Variants in TTC28 observed in about 807,000 individuals in gnomAD.
TTC28 encodes tetratricopeptide repeat protein 28.
In TTC28, 61 loss-of-function variants were observed where a neutral mutation model predicts 198.0. The ratio of observed to expected loss-of-function variants is 0.31; its 90% CI spans 0.25 to 0.38. The LOEUF (loss-of-function observed/expected upper bound fraction) is 0.38, where lower values mean the gene tolerates loss of function less well. Among genes scored for constraint, TTC28 ranks in the 10% least tolerant of loss-of-function variants. TTC28 has a pLI of 1.00. For synonymous variants in TTC28, 1,171 were observed against 1,297.8 expected (o/e 0.90, Z 2.10); for missense variants, 2,678 against 3,164.0 (o/e 0.85, Z 3.69).
At chr22:28,161,085 T>C (rs1161468942) in intron 6 of TTC28, among the ~76,000 whole-genome samples, 1 of 152,216 alleles carries the variant, frequency 6.6e-6, no homozygotes, top group African/African-American at 2.4e-5. Context: ...AATATTTTTA[T>C]ATTAAACACT....
chr22:28,554,328 C>T (rs2049753020), intron 2 of TTC28, among the ~76,000 whole-genome samples: 1 of 150,400 alleles, frequency 6.6e-6, no homozygotes, highest in African/African-American at 2.5e-5. Context: ...TCCTATGACC[C>T]TGCCAAATCC....
Position 28,515,757 on chromosome 22 carries a change from A to T in TTC28, c.381+113795T>A, listed in dbSNP as rs568431412. Among the ~76,000 whole-genome samples the T allele has an allele frequency of 1.7e-4, 26 of 152,318 alleles. No homozygotes were observed. The South Asian group carries it at 5.4e-3, about 32-fold the overall frequency. On this transcript the variant is annotated intron_variant, in intron 2 of 22. Coordinates refer to ENST00000397906, the MANE Select transcript of TTC28 (RefSeq NM_001145418.2). Reference sequence around the variant, plus strand: ...TTACAAAATAAGTCAGGTATCATATAACTTAATACATCTTTTTATAAAAAT... The same window carrying T: ...TTACAAAATAAGTCAGGTATCATATTACTTAATACATCTTTTTATAAAAAT...
At chr22:28,032,265 A>AGTG (rs1482000294) in intron 12 of TTC28, among the ~76,000 whole-genome samples, 2 of 91,688 alleles carry the variant, frequency 2.2e-5, no homozygotes, top group Admixed American at 1.1e-4. Flanking sequence ...ATATATATAT[A>AGTG]TAGTGTGTGT....
chr22:28,619,170 C>T (rs1440364225), intron 2 of TTC28, among the ~76,000 whole-genome samples: 1 of 152,092 alleles, frequency 6.6e-6, no homozygotes, highest in African/African-American at 2.4e-5. Flanking sequence ...TATATAAATA[C>T]AGAGTGATTA....
intron 2 of TTC28, among the ~76,000 whole-genome samples, chr22:28,589,294 A>C (rs1332660736): frequency 6.6e-6 from 1 of 152,170 alleles, no homozygotes; most frequent in Admixed American, 6.5e-5. Context: ...TAATAGGCCA[A>C]ACAGAAATGG....
At chr22:28,550,061 T>G (rs967165456) in intron 2 of TTC28, among the ~76,000 whole-genome samples, 1 of 152,164 alleles carries the variant, frequency 6.6e-6, no homozygotes, top group Admixed American at 6.5e-5. Context: ...TCTCTATGAC[T>G]GTTTAGTGAA....
At chr22:28,677,660 G>A (rs2052020930) in intron 1 of TTC28, among the ~76,000 whole-genome samples, 1 of 151,970 alleles carries the variant, frequency 6.6e-6, no homozygotes, top group Admixed American at 6.6e-5. Flanking sequence ...AATAAGGCCA[G>A]GTGCCGTGGC....
intron 2 of TTC28, among the ~76,000 whole-genome samples, chr22:28,374,723 C>G (rs1323537626): frequency 6.6e-6 from 1 of 152,134 alleles, no homozygotes; most frequent in African/African-American, 2.4e-5. Flanking sequence ...GCTCTGTCAC[C>G]CAGGCTGGAG....
At chr22:28,616,599 C>A (rs980704371) in intron 2 of TTC28, among the ~76,000 whole-genome samples, 8 of 152,126 alleles carry the variant, frequency 5.3e-5, no homozygotes, top group Non-Finnish European at 1.2e-4. Context: ...TGCCTGTAAT[C>A]CAAGCACTTT....
At chr22:28,620,033 G>A (rs184873872) in intron 2 of TTC28, among the ~76,000 whole-genome samples, 86 of 152,308 alleles carry the variant, frequency 5.6e-4, no homozygotes, top group Non-Finnish European at 9.6e-4. Flanking sequence ...TAATTGAAGA[G>A]GATCAACAAC....
At chr22:28,201,988 A>G (rs998330125) in intron 5 of TTC28, among the ~76,000 whole-genome samples, 1 of 152,104 alleles carries the variant, frequency 6.6e-6, no homozygotes, top group African/African-American at 2.4e-5. Flanking sequence ...TACCCATCAT[A>G]TGCTTCACTC....
intron 5 of TTC28, among the ~76,000 whole-genome samples, chr22:28,274,279 T>G (rs1932272606): frequency 6.6e-6 from 1 of 152,238 alleles, no homozygotes; most frequent in African/African-American, 2.4e-5. Flanking sequence ...TACCTTTCCA[T>G]AGATAATACT....
At chr22:28,411,008 T>C (rs1277731381) in intron 2 of TTC28, among the ~76,000 whole-genome samples, 1 of 13,762 alleles carries the variant, frequency 7.3e-5, no homozygotes, top group Non-Finnish European at 1.3e-4. Flanking sequence ...AAATGGTAAT[T>C]TGAAAATGAA....
chr22:28,053,887 A>G (rs1231320214), intron 12 of TTC28, among the ~76,000 whole-genome samples: 1 of 152,218 alleles, frequency 6.6e-6, no homozygotes, highest in African/African-American at 2.4e-5. Context: ...AGAGCAAAAA[A>G]TAATGACTGT....
Position 28,096,316 on chromosome 22 carries a change from A to C in TTC28, c.3640T>G (p.Ser1214Ala). Residue 1214 changes from serine (S) to alanine (A), a missense_variant, in exon 11 of 23, where the codon TCC becomes GCC. Coordinates refer to ENST00000397906, the MANE Select transcript of TTC28 (RefSeq NM_001145418.2). ...ATAGTGACTGGGGAGTAGGGGTCGGAGTCTTGTTGTCCTGTTTGTCGTTCC... is the reference window on the plus strand; with the variant it reads ...ATAGTGACTGGGGAGTAGGGGTCGGCGTCTTGTTGTCCTGTTTGTCGTTCC... Reference protein sequence around the residue: ...LVERQTGQQDSDPYSPVTIDQ... With the variant: ...LVERQTGQQDADPYSPVTIDQ... The C allele has an allele frequency of 6.4e-7, 1 of 1,551,926 alleles. No homozygotes were observed. The highest frequency in any genetic ancestry group is 2.4e-5 in the East Asian group (1 of 40,896).
chr22:28,476,048 G>C (rs540288678), intron 2 of TTC28, among the ~76,000 whole-genome samples: 15 of 152,122 alleles, frequency 9.9e-5, no homozygotes, highest in African/African-American at 3.4e-4. Context: ...TATAATACTT[G>C]ACATACCAAG....
At chr22:28,518,475 G>A (rs1253544715) in intron 2 of TTC28, among the ~76,000 whole-genome samples, 1 of 152,062 alleles carries the variant, frequency 6.6e-6, no homozygotes, top group Non-Finnish European at 1.5e-5. Context: ...AATCAGCCAG[G>A]GATGGTGGCA....
chr22:28,583,281 T>A (rs1191470163), intron 2 of TTC28, among the ~76,000 whole-genome samples: 1 of 152,190 alleles, frequency 6.6e-6, no homozygotes, highest in Non-Finnish European at 1.5e-5. Context: ...ATAAGCAGGA[T>A]AAATAGAAAC....
chr22:28,234,856 A>G (rs1929113461), intron 5 of TTC28, among the ~76,000 whole-genome samples: 1 of 152,206 alleles, frequency 6.6e-6, no homozygotes, highest in South Asian at 2.1e-4. Context: ...TTGTGATGCT[A>G]AATTGTTCCA....
Sources: allele counts gnomAD v4.1 joint callset (sites outside exome capture counted in the v4.1 genomes callset), GRCh38; gene constraint gnomAD v4.1.1; transcripts MANE v1.5; gene names NCBI Gene and HGNC (gene_info 2026-07-23, HGNC 2026-07-21).